KSR2: variants seen among roughly 807,000 people sequenced by gnomAD.
KSR2 encodes kinase suppressor of ras 2.
In KSR2, 25 loss-of-function variants were observed where a neutral mutation model predicts 107.8. The ratio of observed to expected loss-of-function variants is 0.23; its 90% CI spans 0.17 to 0.32. The LOEUF is 0.32. KSR2 is among the 10% of genes least tolerant of loss of function. The pLI is 1.00. For synonymous variants in KSR2, 480 were observed against 507.0 expected (o/e 0.95, Z 0.71); for missense variants, 887 against 1,268.9 (o/e 0.70, Z 4.57).
intron 8 of KSR2, among the ~76,000 whole-genome samples, chr12:117,556,685 G>T (rs1877717793): frequency 6.6e-6 from 1 of 152,046 alleles, no homozygotes; most frequent in African/African-American, 2.4e-5. Context: ...ACCGATCAAG[G>T]CCAGGGGAGA....
At chr12:117,916,132 CTTCTTTTTTTT>C (rs1895165464) in intron 1 of KSR2, among the ~76,000 whole-genome samples, 1 of 125,710 alleles carries the variant, frequency 8.0e-6, no homozygotes, top group African/African-American at 3.2e-5. Flanking sequence ...TTTATTTCTT[CTTCTTTTTTTT>C]TTTTTTTTTT....
chr12:117,840,928 G>A (rs989836416), intron 3 of KSR2, among the ~76,000 whole-genome samples: 3 of 152,020 alleles, frequency 2.0e-5, no homozygotes, highest in African/African-American at 4.8e-5. Context: ...CTTGAACCTG[G>A]GAGGCAGAGG....
chr12:117,939,944 AACACAC>A (rs10561468), intron 1 of KSR2, among the ~76,000 whole-genome samples: 6,159 of 139,818 alleles, frequency 0.044, 205 homozygotes, highest in African/African-American at 0.089. Flanking sequence ...CCATCTTAAA[AACACAC>A]ACACACACAC....
At chr12:117,893,312 C>A (rs1370089533) in intron 1 of KSR2, among the ~76,000 whole-genome samples, 1 of 152,170 alleles carries the variant, frequency 6.6e-6, no homozygotes, top group Non-Finnish European at 1.5e-5. Flanking sequence ...CCACTGTGCC[C>A]AGCGAGACCA....
chr12:117,610,236 C>T (rs1050054151), intron 5 of KSR2, among the ~76,000 whole-genome samples: 19 of 152,090 alleles, frequency 1.2e-4, no homozygotes, highest in African/African-American at 4.3e-4. Flanking sequence ...AATAAGCACA[C>T]TTTATGACAC....
rs201725989 is a variant in KSR2 at position 117,961,461 on chromosome 12, C to CA, written c.180+6614_180+6615insT. 6.0e-4 allele frequency among the ~76,000 whole-genome samples: 91 copies of CA among 152,310 alleles called. 2 individuals are homozygous for CA. The East Asian group carries it at 9.5e-3, about 16-fold the overall frequency. Reference sequence around the variant, plus strand: ...CAAGATGGGAGTCTATTTCCCCATCCTCTATACCCAGGCTGGCCATGGGAC... The same window carrying CA: ...CAAGATGGGAGTCTATTTCCCCATCCATCTATACCCAGGCTGGCCATGGGAC... On this transcript the variant is annotated intron_variant, in intron 1 of 19. Transcript: ENST00000339824.
chr12:117,801,851 A>G (rs1380534339), intron 3 of KSR2, among the ~76,000 whole-genome samples: 1 of 151,840 alleles, frequency 6.6e-6, no homozygotes, highest in Non-Finnish European at 1.5e-5. Context: ...GGGGAAGAAG[A>G]ACAGCAGGTG....
intron 5 of KSR2, among the ~76,000 whole-genome samples, chr12:117,665,786 A>T (rs185214500): frequency 5.3e-5 from 8 of 152,324 alleles, no homozygotes; most frequent in Admixed American, 2.6e-4. Context: ...ACAGATGAGG[A>T]AACAGGTTCA....
chr12:117,587,055 T>G (rs1006571921), intron 5 of KSR2, among the ~76,000 whole-genome samples: 3 of 152,182 alleles, frequency 2.0e-5, no homozygotes, highest in Admixed American at 6.5e-5. Flanking sequence ...TCCAACACCC[T>G]GCTCAACCCA....
intron 14 of KSR2, among the ~76,000 whole-genome samples, chr12:117,489,686 A>G (rs553924106): frequency 1.1e-4 from 16 of 152,226 alleles, no homozygotes; most frequent in Admixed American, 2.0e-4. Flanking sequence ...CCCAGTGAAG[A>G]GTATTTGCAG....
chr12:117,966,133 C>T lies in KSR2; in HGVS notation c.180+1943G>A, dbSNP rs112846093. ...TCCCCCCAGTTTAAAAGGAAAACCA[C>T]TAGGCAGAAAGAAGGCAATGCCCAC... On this transcript the variant is annotated intron_variant, in intron 1 of 19. Transcript: ENST00000339824. Among the ~76,000 whole-genome samples the T allele has an allele frequency of 1.8e-3, 281 of 152,244 alleles. 3 individuals carry two copies. Among genetic ancestry groups the T allele is most frequent in the African/African-American group, 6.0e-3 (249 of 41,550 alleles).
intron 4 of KSR2, among the ~76,000 whole-genome samples, chr12:117,678,536 C>T (rs917504894): frequency 2.0e-5 from 3 of 152,144 alleles, no homozygotes; most frequent in Non-Finnish European, 4.4e-5. Context: ...AGGAGTTTTC[C>T]TCCAGGTACA....
rs531957591 is a variant in KSR2 at position 117,886,725 on chromosome 12, T to C, written c.181-26294A>G. On this transcript the variant is annotated intron_variant, in intron 1 of 19. Transcript: ENST00000339824. ...TAATCACATATGTAAATGTACATAATATACACATGTCTATTATATGACATC... is the reference window on the plus strand; with the variant it reads ...TAATCACATATGTAAATGTACATAACATACACATGTCTATTATATGACATC... Among the ~76,000 whole-genome samples, 19 of 152,316 alleles carry C rather than the reference T, an allele frequency of 1.2e-4. No homozygotes were observed. The South Asian group carries it at 3.5e-3, about 28-fold the overall frequency.
rs192652717 is a variant in KSR2 at position 117,950,216 on chromosome 12, C to T, written c.180+17860G>A. On this transcript the variant is annotated intron_variant, in intron 1 of 19. Transcript: ENST00000339824. ...CTCGAACTCCTGAGATCAGGCAATC[C>T]GCCCACCTCGGCCTTCCAGAATGCT... 3.7e-3 allele frequency among the ~76,000 whole-genome samples: 557 copies of T among 152,138 alleles called. 3 individuals are homozygous for T. The highest frequency in any genetic ancestry group is 0.013 in the African/African-American group (531 of 41,514).
chr12:117,455,054 G>GAGAGAGAGAGAGAGAGAGAT lies in KSR2; in HGVS notation c.*12144_*12145insATCTCTCTCTCTCTCTCTCT, dbSNP rs1346309049. ...ACAGACAGAGAGAGAGAGAGAGAGA[G>GAGAGAGAGAGAGAGAGAGAT]AGAGAGAGAGAGAGAGAGGTCTGTA... On this transcript the variant is annotated 3_prime_UTR_variant, in exon 20 of 20. Coordinates refer to ENST00000339824, the MANE Select transcript of KSR2 (RefSeq NM_173598.6). 2 of 151,554 alleles carry GAGAGAGAGAGAGAGAGAGAT rather than the reference G, an allele frequency of 1.3e-5. No individual in the cohort carries two copies. Among genetic ancestry groups the GAGAGAGAGAGAGAGAGAGAT allele is most frequent in the Non-Finnish European group, 2.9e-5 (2 of 68,096 alleles). The allele number at this position is 151,554 out of a possible 1,614,324, so 9.4% of individuals were successfully genotyped here. A position where few individuals can be genotyped will look rare whatever the true frequency, so the allele number is the denominator to read the frequency against.
intron 5 of KSR2, among the ~76,000 whole-genome samples, chr12:117,625,797 C>G (rs989239043): frequency 1.4e-4 from 21 of 152,244 alleles, no homozygotes; most frequent in African/African-American, 4.8e-4. Context: ...CATCTTTGTA[C>G]CTCTAGCAGA....
intron 10 of KSR2, among the ~76,000 whole-genome samples, chr12:117,534,778 G>C (rs1310691156): frequency 1.3e-5 from 2 of 151,920 alleles, no homozygotes; most frequent in Non-Finnish European, 2.9e-5. Context: ...GTCACCACAA[G>C]GGTCCTCAGA....
intron 16 of KSR2, among the ~76,000 whole-genome samples, chr12:117,479,684 G>C (rs1015596462): frequency 6.6e-6 from 1 of 152,170 alleles, no homozygotes; most frequent in Admixed American, 6.5e-5. Context: ...AGTGTTTCAG[G>C]ATTAATAGCA....
At chr12:117,511,922 G>C (rs1287621168) in intron 14 of KSR2, among the ~76,000 whole-genome samples, 2 of 151,104 alleles carry the variant, frequency 1.3e-5, no homozygotes, top group African/African-American at 4.9e-5. Flanking sequence ...TCCTTGCTGG[G>C]AACTGTTGCT....
Sources: allele counts gnomAD v4.1 joint callset (sites outside exome capture counted in the v4.1 genomes callset), GRCh38; gene constraint gnomAD v4.1.1; transcripts MANE v1.5; gene names NCBI Gene and HGNC (gene_info 2026-07-23, HGNC 2026-07-21).